The following IQCE variants were observed in gnomAD, a reference collection of about 807,000 sequenced individuals.
IQCE encodes IQ domain-containing protein E.
In IQCE, 115 loss-of-function variants were observed where a neutral mutation model predicts 96.0. That is an observed-to-expected ratio of 1.20 (90% CI 1.03 to 1.40). IQCE has a LOEUF of 1.40. Among genes scored for constraint, IQCE ranks in the 40% most tolerant of loss-of-function variants. The pLI is 0.00. For missense variants in IQCE, 1,041 were observed against 909.1 expected (o/e 1.15, Z -1.87); for synonymous variants, 412 against 371.2 (o/e 1.11, Z -1.26).
Position 2,611,727 on chromosome 7 carries a change from C to T in IQCE, c.*1565C>T, listed in dbSNP as rs1490222538. The T allele has an allele frequency of 2.0e-5, 3 of 152,306 alleles. No individual in the cohort carries two copies. The highest frequency in any genetic ancestry group is 7.2e-5 in the African/African-American group (3 of 41,474). The allele number at this position is 152,306 out of a possible 1,614,324, so 9.4% of individuals were successfully genotyped here. ...CCCGCCCCACCCTGCGGTTCGAAGCCTGGCCCCTGTCTCCACTTAGCTTCT... is the reference window on the plus strand; with the variant it reads ...CCCGCCCCACCCTGCGGTTCGAAGCTTGGCCCCTGTCTCCACTTAGCTTCT... On this transcript the variant is annotated 3_prime_UTR_variant, in exon 22 of 22. Coordinates refer to ENST00000402050, the MANE Select transcript of IQCE (RefSeq NM_152558.5).
chr7:2,580,141 A>G (rs962242396), intron 8 of IQCE: 1 of 152,132 alleles, frequency 6.6e-6, no homozygotes, highest in East Asian at 1.9e-4. Flanking sequence ...TGCCGTGTCT[A>G]CGTGTCATCA....
chr7:2,605,134 C>T (rs1157640991), intron 19 of IQCE, 143 bp downstream of exon 19: 1 of 629,752 alleles, frequency 1.6e-6, no homozygotes, highest in Non-Finnish European at 2.8e-6. Context: ...CATCCCTGGC[C>T]ACGCAGGCCA....
chr7:2,597,960 G>A (rs1005023523), intron 16 of IQCE, among the ~76,000 whole-genome samples: 3 of 152,336 alleles, frequency 2.0e-5, no homozygotes, highest in African/African-American at 4.8e-5. Flanking sequence ...GAGCCACTGC[G>A]CCCAGCCTGA....
chr7:2,585,291 G>A (rs1783010810), intron 11 of IQCE, among the ~76,000 whole-genome samples: 1 of 152,178 alleles, frequency 6.6e-6, no homozygotes, highest in East Asian at 1.9e-4. Flanking sequence ...GCCTGCCTCA[G>A]CCTCCCAAAG....
chr7:2,571,253 A>C (rs572508260), intron 3 of IQCE: 1 of 363,248 alleles, frequency 2.8e-6, no homozygotes, highest in African/African-American at 2.2e-5. Flanking sequence ...TCCTGGCCTC[A>C]AGCGATTCTC....
intron 15 of IQCE, among the ~76,000 whole-genome samples, chr7:2,594,661 G>A (rs1001109884): frequency 6.6e-6 from 1 of 152,232 alleles, no homozygotes; most frequent in African/African-American, 2.4e-5. Context: ...GGGGCTTCCA[G>A]CCCAGAGCAG....
chr7:2,587,769 C>T, intron 12 of IQCE, 53 bp from the exon 13 acceptor site: 1 of 1,572,314 alleles, frequency 6.4e-7, no homozygotes, highest in East Asian at 2.2e-5. Context: ...AAGGGTGGCC[C>T]TGCTGGCAGT....
intron 14 of IQCE, among the ~76,000 whole-genome samples, chr7:2,590,789 G>A (rs912895041): frequency 2.1e-5 from 3 of 142,326 alleles, no homozygotes; most frequent in Non-Finnish European, 3.1e-5. Context: ...CGGTGGGAGA[G>A]CACATTTAAA....
chr7:2,586,535 C>T (rs186120429), intron 12 of IQCE, among the ~76,000 whole-genome samples, 164 bp downstream of exon 12: 16 of 152,350 alleles, frequency 1.1e-4, no homozygotes, highest in East Asian at 9.6e-4. Context: ...GCGGGCCACG[C>T]GATGCCCCGG....
intron 8 of IQCE, among the ~76,000 whole-genome samples, chr7:2,581,506 A>C (rs1327731970): frequency 6.6e-6 from 1 of 152,088 alleles, no homozygotes; most frequent in Non-Finnish European, 1.5e-5. Flanking sequence ...GCACCCGGCC[A>C]ACTAACATAA....
At chr7:2,577,377 G>A (rs1328728297) in intron 6 of IQCE, among the ~76,000 whole-genome samples, 4 of 142,360 alleles carry the variant, frequency 2.8e-5, no homozygotes, top group Admixed American at 1.4e-4. Flanking sequence ...TGTGTGCGGC[G>A]TGCGCGCATT....
intron 15 of IQCE, among the ~76,000 whole-genome samples, chr7:2,593,721 G>A (rs1783798699): frequency 6.6e-6 from 1 of 152,260 alleles, no homozygotes; most frequent in Non-Finnish European, 1.5e-5. Context: ...TAGGGGCTGG[G>A]AGGGGAGCGA....
intron 16 of IQCE, among the ~76,000 whole-genome samples, chr7:2,597,504 C>T (rs1040279202): frequency 5.3e-5 from 8 of 152,234 alleles, no homozygotes; most frequent in South Asian, 2.1e-4. Context: ...GCGCCTGGCC[C>T]GGTGTGCACT....
chr7:2,567,234 G>A, intron 2 of IQCE, 71 bp downstream of exon 2: 1 of 1,169,490 alleles, frequency 8.6e-7, no homozygotes, highest in Non-Finnish European at 1.3e-6. Context: ...GCACTCGGAA[G>A]CGTAAAATAG....
chr7:2,607,389 G>A (rs1210382823), intron 21 of IQCE, 162 bp downstream of exon 21: 4 of 1,379,604 alleles, frequency 2.9e-6, no homozygotes, highest in Admixed American at 6.9e-5. Flanking sequence ...TGCCAGGAAG[G>A]CCCACAACAG....
chr7:2,604,709 A>G (rs1784664705), intron 18 of IQCE, among the ~76,000 whole-genome samples, 172 bp from the exon 19 acceptor site: 1 of 152,118 alleles, frequency 6.6e-6, no homozygotes, highest in Non-Finnish European at 1.5e-5. Context: ...TTTCTCCCAG[A>G]CTGGGGTGAG....
rs1785090628 is a variant in IQCE, at chr7:2,611,147, G to GCCGGGCCGGGCCGGGC, written c.*986_*987insCGGGCCGGGCCGGGCC. On this transcript the variant is annotated 3_prime_UTR_variant, in exon 22 of 22. Coordinates refer to ENST00000402050, the MANE Select transcript of IQCE (RefSeq NM_152558.5). ...GCTGGGCTGGGCTGGGCTGGGCCGG[G>GCCGGGCCGGGCCGGGC]CGTGCGGAGCCTGTGGAGCCAGCAG... The GCCGGGCCGGGCCGGGC allele has an allele frequency of 2.0e-5, 3 of 152,670 alleles. No homozygotes were observed. The highest frequency in any genetic ancestry group is 7.3e-5 in the African/African-American group (3 of 41,224). 9.5% of individuals were successfully genotyped at this position (152,670 alleles called of 1,614,324 possible).
chr7:2,567,705 G>A (rs2917756), intron 2 of IQCE, among the ~76,000 whole-genome samples: 61,633 of 152,100 alleles, frequency 0.41, 13,995 homozygotes, highest in African/African-American at 0.62. Flanking sequence ...GTGTATGAGC[G>A]AAAAAAGCTT....
At chr7:2,576,153 A>G (rs1782109799) in intron 6 of IQCE, among the ~76,000 whole-genome samples, 1 of 152,188 alleles carries the variant, frequency 6.6e-6, no homozygotes, top group African/African-American at 2.4e-5. Context: ...CGGGGTGTGC[A>G]TTCCAGATTG....
Sources: gnomAD v4.1 joint callset for allele counts (sites outside exome capture counted in the v4.1 genomes callset) on GRCh38, gnomAD v4.1.1 for gene constraint, MANE v1.5 for transcripts, NCBI Gene and HGNC (gene_info 2026-07-23, HGNC 2026-07-21) for gene names.